ARHGEF28: variants seen among roughly 807,000 people sequenced by gnomAD.
ARHGEF28 encodes Rho guanine nucleotide exchange factor 28.
Under a neutral mutation model 206.6 loss-of-function variants are expected in ARHGEF28, and 152 were observed. That is an observed-to-expected ratio of 0.74 (90% CI 0.64 to 0.84). ARHGEF28 has a LOEUF of 0.84. Among genes scored for constraint, ARHGEF28 ranks in the 40% least tolerant of loss-of-function variants. The pLI, the probability that ARHGEF28 is intolerant of heterozygous loss-of-function variation, is 0.00. For missense variants in ARHGEF28, 2,028 were observed against 2,073.2 expected (o/e 0.98, Z 0.42); for synonymous variants, 763 against 776.4 (o/e 0.98, Z 0.29).
intron 10 of ARHGEF28, chr5:73,835,331 G>A (rs2931447): frequency 0.37 from 55,853 of 151,766 alleles, 11,281 homozygotes; most frequent in East Asian, 0.54. Context: ...TTAGCAGGGC[G>A]TGGTGGCGGG....
At chr5:73,749,792 C>T in intron 2 of ARHGEF28, 45 bp from the exon 3 acceptor site, 1 of 1,606,150 alleles carries the variant, frequency 6.2e-7, no homozygotes, top group East Asian at 2.2e-5. Context: ...TTCTTAGAGC[C>T]AGGACAAGGA....
At chr5:73,653,083 G>A (rs912188423) in intron 1 of ARHGEF28, among the ~76,000 whole-genome samples, 1 of 152,174 alleles carries the variant, frequency 6.6e-6, no homozygotes, top group Non-Finnish European at 1.5e-5. Context: ...TACAGATAAG[G>A]AAACTGAGGC....
At chr5:73,748,307 T>A (rs1320266818) in intron 2 of ARHGEF28, among the ~76,000 whole-genome samples, 4 of 152,116 alleles carry the variant, frequency 2.6e-5, no homozygotes, top group Non-Finnish European at 5.9e-5. Flanking sequence ...CGCATGCTCA[T>A]ATGCAGAAAA....
At chr5:73,827,139 GT>G (rs1297254994) in intron 9 of ARHGEF28, among the ~76,000 whole-genome samples, 1 of 152,182 alleles carries the variant, frequency 6.6e-6, no homozygotes, top group Admixed American at 6.5e-5. Flanking sequence ...CCTATAGGCA[GT>G]TTGATGGCTT....
At chr5:73,714,687 G>T (rs903189271) in intron 2 of ARHGEF28, among the ~76,000 whole-genome samples, 10 of 152,116 alleles carry the variant, frequency 6.6e-5, no homozygotes, top group African/African-American at 2.2e-4. Flanking sequence ...CTTCTATGCA[G>T]TCATATGCAC....
At chr5:73,722,095 A>G (rs1309282932) in intron 2 of ARHGEF28, among the ~76,000 whole-genome samples, 1 of 152,220 alleles carries the variant, frequency 6.6e-6, no homozygotes, top group Admixed American at 6.5e-5. Flanking sequence ...TAGCACACAG[A>G]TATATCTGAC....
intron 9 of ARHGEF28, among the ~76,000 whole-genome samples, chr5:73,798,089 T>G (rs1244023890): frequency 1.3e-5 from 2 of 152,196 alleles, no homozygotes; most frequent in African/African-American, 4.8e-5. Flanking sequence ...CTATTTTTTT[T>G]AAGTTGTTGT....
At chr5:73,781,224 G>A (rs1753828294) in intron 7 of ARHGEF28, among the ~76,000 whole-genome samples, 1 of 152,262 alleles carries the variant, frequency 6.6e-6, no homozygotes, top group Middle Eastern at 3.4e-3. Flanking sequence ...AGGGCTGCTG[G>A]ATGTTCATCA....
intron 1 of ARHGEF28, among the ~76,000 whole-genome samples, chr5:73,683,440 A>G (rs1348414891): frequency 6.6e-6 from 1 of 151,946 alleles, no homozygotes; most frequent in Non-Finnish European, 1.5e-5. Flanking sequence ...GGTACCTCAT[A>G]TAACTGGCAT....
rs186945922 is a variant in ARHGEF28, at chr5:73,842,583, G to A, written c.1427+1823G>A. Among the ~76,000 whole-genome samples, 393 of 152,318 alleles carry A rather than the reference G, an allele frequency of 2.6e-3. 3 individuals are homozygous for A. The highest frequency in any genetic ancestry group is 9.1e-3 in the African/African-American group (380 of 41,562). ...ATAGGCTAATTTGAACTGTCCACACGTCTGCTTGGGACAAGAGACTGCCAG... is the reference window on the plus strand; with the variant it reads ...ATAGGCTAATTTGAACTGTCCACACATCTGCTTGGGACAAGAGACTGCCAG... On this transcript the variant is annotated intron_variant, in intron 11 of 35. Coordinates refer to ENST00000513042, the MANE Select transcript of ARHGEF28 (RefSeq NM_001177693.2).
At chr5:73,679,566 C>CAAAA (rs552307895) in intron 1 of ARHGEF28, among the ~76,000 whole-genome samples, 2 of 62,486 alleles carry the variant, frequency 3.2e-5, no homozygotes, top group South Asian at 5.2e-4. Flanking sequence ...GACTCTGTCT[C>CAAAA]AAAAAAAAAA....
chr5:73,738,164 G>C lies in ARHGEF28; in HGVS notation c.34-11673G>C, dbSNP rs79382403. ...ATAAAGGCTCTTCCCAGTCCCTGGG[G>C]GAGGAATAGGATTCATCTGGGGGTC... On this transcript the variant is annotated intron_variant, in intron 2 of 35. Coordinates refer to ENST00000513042, the MANE Select transcript of ARHGEF28 (RefSeq NM_001177693.2). Among the ~76,000 whole-genome samples the C allele has an allele frequency of 4.5e-3, 679 of 152,230 alleles. 10 individuals are homozygous for C. Among genetic ancestry groups the C allele is most frequent in the African/African-American group, 0.015 (633 of 41,516 alleles).
intron 9 of ARHGEF28, among the ~76,000 whole-genome samples, chr5:73,812,706 A>G (rs1300503173): frequency 3.9e-5 from 6 of 152,130 alleles, no homozygotes; most frequent in African/African-American, 7.2e-5. Context: ...TTTGTGGTAA[A>G]TTAGTCACCA....
chr5:73,840,693 TC>T lies in ARHGEF28; in HGVS notation c.1362del (p.Asn455ThrfsTer2), dbSNP rs751279278. 3.7e-6 allele frequency: 6 copies of T among 1,612,880 alleles called. No homozygotes were observed. The Admixed American group carries it at 1.0e-4, about 27-fold the overall frequency. ...CATGTCACCATCAAGTTCGTGTGCTTCCAACTTGAATCTTTCTTTTGGTTGG... is the reference window on the plus strand; with the variant it reads ...CATGTCACCATCAAGTTCGTGTGCTTCAACTTGAATCTTTCTTTTGGTTGG... Reference protein sequence around the residue: ...SFMSPSSSCASNLNLSFGWHG... With the variant: ...SFMSPSSSCAXNLNLSFGWHG... On this transcript the variant is annotated frameshift_variant, in exon 11 of 36. Transcript: ENST00000513042. LOFTEE classifies it high-confidence loss of function.
chr5:73,848,313 A>G (rs1368528047), intron 12 of ARHGEF28, among the ~76,000 whole-genome samples: 2 of 152,190 alleles, frequency 1.3e-5, no homozygotes, highest in Admixed American at 6.5e-5. Context: ...AATTGGGACA[A>G]CAGGAACAAA....
chr5:73,797,079 G>C (rs892772345), intron 9 of ARHGEF28, among the ~76,000 whole-genome samples: 1 of 152,218 alleles, frequency 6.6e-6, no homozygotes, highest in Admixed American at 6.5e-5. Flanking sequence ...GTCTGACCTC[G>C]TCTGAGTGTT....
At chr5:73,779,366 T>G (rs1330266745) in intron 6 of ARHGEF28, among the ~76,000 whole-genome samples, 1 of 152,224 alleles carries the variant, frequency 6.6e-6, no homozygotes, top group African/African-American at 2.4e-5. Context: ...AATAAGCAGC[T>G]AGGAAATTTA....
intron 12 of ARHGEF28, among the ~76,000 whole-genome samples, chr5:73,847,872 C>A (rs749080664): frequency 5.3e-5 from 8 of 152,104 alleles, no homozygotes; most frequent in Non-Finnish European, 8.8e-5. Flanking sequence ...ACGTCTAGGC[C>A]CGGTAGGTGC....
chr5:73,812,534 G>A (rs1453743038), intron 9 of ARHGEF28, among the ~76,000 whole-genome samples: 2 of 152,106 alleles, frequency 1.3e-5, no homozygotes, highest in Admixed American at 6.6e-5. Context: ...TGCAGATCTC[G>A]GCTGTTGTGC....
Sources: allele counts gnomAD v4.1 joint callset (sites outside exome capture counted in the v4.1 genomes callset), GRCh38; gene constraint gnomAD v4.1.1; transcripts MANE v1.5; gene names NCBI Gene and HGNC (gene_info 2026-07-23, HGNC 2026-07-21).